Variants in MAPRE2 observed in about 807,000 individuals in gnomAD.
The protein encoded by MAPRE2 is microtubule-associated protein RP/EB family member 2.
A neutral mutation model predicts 43.2 loss-of-function variants in MAPRE2; 13 were observed. The observed-to-expected ratio is 0.30, with a 90% CI of 0.20 to 0.48. MAPRE2 has a LOEUF of 0.48. MAPRE2 is among the 20% of genes least tolerant of loss of function. MAPRE2 has a pLI of 0.99. For synonymous variants in MAPRE2, 135 were observed against 148.8 expected, an observed-to-expected ratio of 0.91 and a Z score of 0.68; for missense variants, 161 against 400.2, an observed-to-expected ratio of 0.40 and a Z score of 5.10.
intron 2 of MAPRE2, among the ~76,000 whole-genome samples, chr18:35,095,396 ACACACG>A (rs10535012): frequency 0.1 from 15,250 of 148,434 alleles, 1,134 homozygotes; most frequent in East Asian, 0.21. Context: ...ACACACACAC[ACACACG>A]CACACACACA....
rs115099931 is a variant in MAPRE2, at chr18:35,063,980, C to G, written c.123-6215C>G. 1.0e-2 allele frequency among the ~76,000 whole-genome samples: 1,229 copies of G among 123,346 alleles called. 12 individuals carry two copies. Among genetic ancestry groups the G allele is most frequent in the African/African-American group, 0.031 (1,006 of 32,952 alleles). 80.9% of individuals were successfully genotyped at this position (123,346 alleles called of 152,430 possible). On this transcript the variant is annotated intron_variant, in intron 1 of 6. Coordinates refer to ENST00000300249, the MANE Select transcript of MAPRE2 (RefSeq NM_014268.4). The stretch of plus-strand genomic sequence containing the variant: ...ACCACTGCACTCCAGCCTGGACTGC[C>G]GAGTGAGACCCTGTCTCTTTAAAAA...
At chr18:35,085,103 T>C (rs984349064) in intron 2 of MAPRE2, among the ~76,000 whole-genome samples, 5 of 152,234 alleles carry the variant, frequency 3.3e-5, no homozygotes, top group African/African-American at 1.2e-4. Context: ...TAAATTCCTT[T>C]AAAATGTTAA....
chr18:34,992,645 G>A (rs1409438693), intron 1 of MAPRE2, among the ~76,000 whole-genome samples: 4 of 151,800 alleles, frequency 2.6e-5, no homozygotes, highest in Non-Finnish European at 5.9e-5. Flanking sequence ...TTTTCCTTTG[G>A]GGAATCCATA....
At position 34,985,236 on chromosome 18, in the gene MAPRE2, TA is replaced by T. The variant is rs2097019038; in HGVS notation, c.-70+8158del. 3.1e-4 allele frequency among the ~76,000 whole-genome samples: 20 copies of T among 63,512 alleles called. 2 individuals carry two copies. The highest frequency in any genetic ancestry group is 5.3e-4 in the Non-Finnish European group (20 of 37,816). 41.7% of individuals were successfully genotyped at this position (63,512 alleles called of 152,430 possible). A position where few individuals can be genotyped will look rare whatever the true frequency, so the allele number is the denominator to read the frequency against. On this transcript the variant is annotated intron_variant, in intron 1 of 7. Transcript: ENST00000413393. Reference sequence around the variant, plus strand: ...AAATAAAATATATAATATTATATATTATATAATATAAAATATATAATATAAT... The same window carrying T: ...AAATAAAATATATAATATTATATATTTATAATATAAAATATATAATATAAT...
Position 35,140,505 on chromosome 18 carries a change from T to C in MAPRE2, c.*136T>C. On this transcript the variant is annotated 3_prime_UTR_variant, in exon 7 of 7. Transcript: ENST00000300249. Reference sequence around the variant, plus strand: ...GTTACCATCAACGCACTGTTGCATATGCCAGCCACTGCGCTTGGTTCCCAT... The same window carrying C: ...GTTACCATCAACGCACTGTTGCATACGCCAGCCACTGCGCTTGGTTCCCAT... 1.2e-6 allele frequency: 1 copy of C among 816,600 alleles called. No individual in the cohort carries two copies. Among genetic ancestry groups the C allele is most frequent in the Non-Finnish European group, 1.9e-6 (1 of 521,522 alleles). 50.6% of individuals were successfully genotyped at this position (816,600 alleles called of 1,614,324 possible).
At chr18:34,989,319 T>C (rs1014065364) in intron 1 of MAPRE2, among the ~76,000 whole-genome samples, 1 of 152,208 alleles carries the variant, frequency 6.6e-6, no homozygotes. Context: ...TCTCTAGCTT[T>C]GGGGTCTTTG....
rs1172597078 is a variant in MAPRE2 at position 35,143,406 on chromosome 18, T to C, written c.*3037T>C. Reference sequence around the variant, plus strand: ...TAGAATAGTTTTTTGTCTCTGAATATGTGAATAACTTGACTTGCATTGATC... The same window carrying C: ...TAGAATAGTTTTTTGTCTCTGAATACGTGAATAACTTGACTTGCATTGATC... On this transcript the variant is annotated 3_prime_UTR_variant, in exon 7 of 7. Transcript: ENST00000300249. 2 of 152,090 alleles carry C rather than the reference T, an allele frequency of 1.3e-5. No homozygotes were observed. The highest frequency in any genetic ancestry group is 2.9e-5 in the Non-Finnish European group (2 of 68,016). The allele number at this position is 152,090 out of a possible 1,614,324, so 9.4% of individuals were successfully genotyped here. A position where few individuals can be genotyped will look rare whatever the true frequency, so the allele number is the denominator to read the frequency against.
chr18:35,097,343 T>C (rs1325862676), intron 2 of MAPRE2, 103 bp from the exon 3 acceptor site: 3 of 999,060 alleles, frequency 3.0e-6, no homozygotes, highest in South Asian at 3.1e-5. Flanking sequence ...CTGCTCTGAG[T>C]GATGATGGTG....
At chr18:35,128,775 T>C (rs1910016042) in intron 5 of MAPRE2, among the ~76,000 whole-genome samples, 1 of 152,192 alleles carries the variant, frequency 6.6e-6, no homozygotes, top group African/African-American at 2.4e-5. Context: ...TTGTGTTTCT[T>C]CATGACTCCT....
chr18:34,995,350 C>T (rs867354051), intron 1 of MAPRE2, among the ~76,000 whole-genome samples: 1 of 152,202 alleles, frequency 6.6e-6, no homozygotes, highest in South Asian at 2.1e-4. Context: ...CTCTCAAGCA[C>T]ACTGGATATA....
At chr18:34,982,174 C>T (rs914172622) in intron 1 of MAPRE2, among the ~76,000 whole-genome samples, 5 of 152,084 alleles carry the variant, frequency 3.3e-5, no homozygotes, top group East Asian at 1.9e-4. Flanking sequence ...TGAGTCACTG[C>T]GCCCGGCCAA....
intron 2 of MAPRE2, among the ~76,000 whole-genome samples, chr18:35,029,392 C>T (rs954596003): frequency 6.6e-6 from 1 of 152,148 alleles, no homozygotes; most frequent in Non-Finnish European, 1.5e-5. Flanking sequence ...CAGAGAAGTT[C>T]CAGGCTCAGG....
rs1910635752 is a variant in MAPRE2, at chr18:35,141,511, CTT to C, written c.*1144_*1145del. On this transcript the variant is annotated 3_prime_UTR_variant, in exon 7 of 7. Coordinates refer to ENST00000300249, the MANE Select transcript of MAPRE2 (RefSeq NM_014268.4). ...TCTTCTAGAATAAAGAATTTTCCCTCTTTAACACAAGGGCCCTCCTTGTCATT... is the reference window on the plus strand; with the variant it reads ...TCTTCTAGAATAAAGAATTTTCCCTCTAACACAAGGGCCCTCCTTGTCATT... 1 of 152,194 alleles carries C rather than the reference CTT, an allele frequency of 6.6e-6. No individual in the cohort carries two copies. The highest frequency in any genetic ancestry group is 1.5e-5 in the Non-Finnish European group (1 of 68,010). The allele number at this position is 152,194 out of a possible 1,614,324, so 9.4% of individuals were successfully genotyped here.
chr18:35,107,569 A>C (rs148961860), intron 4 of MAPRE2, among the ~76,000 whole-genome samples: 1 of 152,294 alleles, frequency 6.6e-6, no homozygotes, highest in African/African-American at 2.4e-5. Flanking sequence ...GCAGTAAAAA[A>C]TAGCAGTAAG....
At position 35,104,583 on chromosome 18, in the gene MAPRE2, A is replaced by G. The variant is rs1014796976; in HGVS notation, c.610+2424A>G. On this transcript the variant is annotated intron_variant, in intron 4 of 6. Coordinates refer to ENST00000300249, the MANE Select transcript of MAPRE2 (RefSeq NM_014268.4). ...ACGCTAAAGCTGAAAGGAAAAGGTGAGATGTCAAGGGCATAGATAAAGTGT... is the reference window on the plus strand; with the variant it reads ...ACGCTAAAGCTGAAAGGAAAAGGTGGGATGTCAAGGGCATAGATAAAGTGT... Among the ~76,000 whole-genome samples, 21 of 152,244 alleles carry G rather than the reference A, an allele frequency of 1.4e-4. No homozygotes were observed. In the East Asian group the frequency reaches 4.1e-3, roughly 29 times the overall value.
chr18:35,071,580 G>C (rs1907120063), intron 2 of MAPRE2, among the ~76,000 whole-genome samples: 1 of 152,154 alleles, frequency 6.6e-6, no homozygotes, highest in South Asian at 2.1e-4. Flanking sequence ...ATGTATTTGT[G>C]TGAAATTTCA....
At chr18:35,047,340 C>G (rs2150602414) in intron 1 of MAPRE2, among the ~76,000 whole-genome samples, 1 of 152,326 alleles carries the variant, frequency 6.6e-6, no homozygotes, top group South Asian at 2.1e-4. Flanking sequence ...GTATGTCAAA[C>G]TTAGCCAATA....
At chr18:35,041,741 G>C in intron 1 of MAPRE2, 80 bp downstream of exon 1, 4 of 1,605,286 alleles carry the variant, frequency 2.5e-6, no homozygotes, top group Non-Finnish European at 3.4e-6. Flanking sequence ...TAATGGAGCA[G>C]ACACTGCCTG....
intron 2 of MAPRE2, among the ~76,000 whole-genome samples, chr18:35,089,043 T>C (rs1047079610): frequency 2.6e-5 from 4 of 152,182 alleles, no homozygotes; most frequent in African/African-American, 9.6e-5. Context: ...CAAAGTTGAA[T>C]GATACTGGAG....
Sources: allele counts gnomAD v4.1 joint callset (sites outside exome capture counted in the v4.1 genomes callset), GRCh38; gene constraint gnomAD v4.1.1; transcripts MANE v1.5; gene names NCBI Gene and HGNC (gene_info 2026-07-23, HGNC 2026-07-21).